VAX2: variants seen among roughly 807,000 people sequenced by gnomAD.
VAX2 encodes ventral anterior homeobox 2.
Under a neutral mutation model 12.5 loss-of-function variants are expected in VAX2, and 8 were observed. The ratio of observed to expected loss-of-function variants is 0.64; its 90% CI spans 0.37 to 1.15. The LOEUF (loss-of-function observed/expected upper bound fraction) is 1.15, where lower values mean the gene tolerates loss of function less well. Ranked by LOEUF, VAX2 falls within the 50% of genes most tolerant of loss-of-function variation. The pLI is 0.01. For missense variants in VAX2, 476 were observed against 412.9 expected (o/e 1.15, Z -1.32); for synonymous variants, 183 against 187.6 (o/e 0.98, Z 0.20).
At chr2:70,925,323 G>A (rs1428429516) in intron 2 of VAX2, among the ~76,000 whole-genome samples, 1 of 152,190 alleles carries the variant, frequency 6.6e-6, no homozygotes, top group Non-Finnish European at 1.5e-5. Flanking sequence ...AGTGGTGGAG[G>A]AGAGAAGCGT....
chr2:70,926,291 G>A (rs1485233956), intron 2 of VAX2, among the ~76,000 whole-genome samples: 1 of 152,102 alleles, frequency 6.6e-6, no homozygotes, highest in East Asian at 1.9e-4. Flanking sequence ...GTGCAACAGA[G>A]GCTAAGCATG....
Position 70,933,147 on chromosome 2 carries a change from C to G in VAX2, c.816C>G (p.Tyr272Ter), listed in dbSNP as rs781955018. 1 of 1,576,812 alleles carries G rather than the reference C, an allele frequency of 6.3e-7. No individual in the cohort carries two copies. Among genetic ancestry groups the G allele is most frequent in the East Asian group, 2.2e-5 (1 of 44,486 alleles). Residue 272 changes from tyrosine to a stop codon, truncating the protein, a stop_gained, in exon 3 of 3, where the codon TAC becomes TAG. Coordinates refer to ENST00000234392, the MANE Select transcript of VAX2 (RefSeq NM_012476.3). LOFTEE classifies it high-confidence loss of function. ...YELGSSAFEP[Y>*]SWLERKVGSA... is the part of the protein sequence containing the mutation. ...TGGGTTCCTCGGCCTTCGAGCCATA[C>G]AGCTGGCTAGAACGGAAAGTGGGCA...
intron 1 of VAX2, among the ~76,000 whole-genome samples, chr2:70,902,369 A>G (rs1339006431): frequency 6.6e-6 from 1 of 152,216 alleles, no homozygotes; most frequent in Non-Finnish European, 1.5e-5. Context: ...CAGGAATTCC[A>G]GCAGGTGTGT....
rs144120968 is a variant in VAX2 at position 70,933,045 on chromosome 2, C to A, written c.714C>A (p.Ser238=). The change falls in exon 3 of 3, where the codon TCC becomes TCA. Residue 238 remains serine (S), a synonymous_variant. Transcript: ENST00000234392. Reference sequence around the variant, plus strand: ...ACCCGCTGTCCTCGGCCTCAGCGTCCCCCCCACTGCCGCCCCCTCTGCCAG... The same window carrying A: ...ACCCGCTGTCCTCGGCCTCAGCGTCACCCCCACTGCCGCCCCCTCTGCCAG... ...RLNPLSSASA[S]PPLPPPLPAV... is the part of the protein sequence containing the mutation. The A allele has an allele frequency of 1.3e-6, 2 of 1,599,454 alleles. No individual in the cohort carries two copies. Among genetic ancestry groups the A allele is most frequent in the African/African-American group, 1.3e-5 (1 of 74,492 alleles).
chr2:70,917,237 G>A (rs1553412112), intron 1 of VAX2, among the ~76,000 whole-genome samples: 3 of 150,982 alleles, frequency 2.0e-5, no homozygotes, highest in Admixed American at 1.3e-4. Context: ...CATGAGAATC[G>A]TTTGAACCTG....
chr2:70,903,969 G>T (rs985700679), intron 1 of VAX2, among the ~76,000 whole-genome samples: 1 of 152,188 alleles, frequency 6.6e-6, no homozygotes, highest in Non-Finnish European at 1.5e-5. Context: ...CGAATACAGG[G>T]TGGAGAGCCA....
intron 2 of VAX2, among the ~76,000 whole-genome samples, chr2:70,927,186 C>T (rs1679592628): frequency 6.6e-6 from 1 of 151,970 alleles, no homozygotes; most frequent in African/African-American, 2.4e-5. Flanking sequence ...TCTGTGTTGC[C>T]TGAATGAATG....
rs182806761 is a variant in VAX2, at chr2:70,912,178, G to A, written c.248-8920G>A. ...GCAGCATTATACCATTTTAGTTGCT[G>A]TAGATTTGTAACATATTTGCTGTGT... On this transcript the variant is annotated intron_variant, in intron 1 of 2. Transcript: ENST00000234392. 1.5e-3 allele frequency among the ~76,000 whole-genome samples: 228 copies of A among 152,250 alleles called. 1 individual carries two copies. The highest frequency in any genetic ancestry group is 7.1e-4 in the Non-Finnish European group (48 of 68,030).
chr2:70,901,867 C>G (rs1206647131), intron 1 of VAX2, among the ~76,000 whole-genome samples: 1 of 152,228 alleles, frequency 6.6e-6, no homozygotes, highest in Non-Finnish European at 1.5e-5. Flanking sequence ...GGAGACCCAG[C>G]GCCAGAAGAG....
rs869309305 is a variant in VAX2, at chr2:70,906,520, CTTTTTTTTTTTTTTTT to C, written c.247+5663_247+5678del. On this transcript the variant is annotated intron_variant, in intron 1 of 2. Coordinates refer to ENST00000234392, the MANE Select transcript of VAX2 (RefSeq NM_012476.3). ...CTTTCTTTTTTTTTCTTTTCTTTTC[CTTTTTTTTTTTTTTTT>C]TTTTTTTTTTAGATAGAGTGGTTGC... 1.3e-4 allele frequency among the ~76,000 whole-genome samples: 8 copies of C among 60,606 alleles called. No individual in the cohort carries two copies. The Admixed American group carries it at 1.5e-3, about 12-fold the overall frequency. The allele number at this position is 60,606 out of a possible 152,430, so 39.8% of individuals were successfully genotyped here.
chr2:70,929,665 C>G (rs1553414025), intron 2 of VAX2, among the ~76,000 whole-genome samples: 1 of 140,848 alleles, frequency 7.1e-6, no homozygotes, highest in Non-Finnish European at 1.5e-5. Flanking sequence ...CCAGCCTGGG[C>G]TACAGAGTGA....
At chr2:70,921,351 G>A in intron 2 of VAX2, 66 bp downstream of exon 2, 3 of 1,475,132 alleles carry the variant, frequency 2.0e-6, no homozygotes, top group Non-Finnish European at 2.7e-6. Context: ...GGGGATATGA[G>A]GCCCTGTGAG....
chr2:70,931,967 T>C (rs1314752661), intron 2 of VAX2, among the ~76,000 whole-genome samples: 1 of 152,232 alleles, frequency 6.6e-6, no homozygotes, highest in Non-Finnish European at 1.5e-5. Flanking sequence ...TGGAATCACC[T>C]GGTGAGCTTT....
At chr2:70,928,878 T>A (rs184327100) in intron 2 of VAX2, among the ~76,000 whole-genome samples, 1,644 of 152,260 alleles carry the variant, frequency 0.011, 19 homozygotes, top group Non-Finnish European at 0.016. Context: ...CCTAAATGGG[T>A]TTTCTTCTTT....
chr2:70,925,628 G>A (rs6733407), intron 2 of VAX2, among the ~76,000 whole-genome samples: 42,267 of 152,022 alleles, frequency 0.28, 6,233 homozygotes, highest in Non-Finnish European at 0.33. Context: ...CTCTGTCAGA[G>A]CTCTTTTGGG....
rs578253392 is a variant in VAX2, at chr2:70,920,875, G to C, written c.248-223G>C. ...TTGGTAGACCTGGCAGTTGTACTGA[G>C]GCCTATTCACATACATTTAGCCACC... On this transcript the variant is annotated intron_variant, in intron 1 of 2. Transcript: ENST00000234392. Among the ~76,000 whole-genome samples the C allele has an allele frequency of 3.9e-5, 6 of 152,210 alleles. No homozygotes were observed. In the East Asian group the frequency reaches 9.7e-4, roughly 25 times the overall value.
At chr2:70,902,341 T>A (rs1678953306) in intron 1 of VAX2, among the ~76,000 whole-genome samples, 1 of 152,124 alleles carries the variant, frequency 6.6e-6, no homozygotes, top group South Asian at 2.1e-4. Context: ...ACTGCTTGAG[T>A]CAAGGCAGTT....
At chr2:70,905,453 T>C (rs12615240) in intron 1 of VAX2, among the ~76,000 whole-genome samples, 12,818 of 152,082 alleles carry the variant, frequency 0.084, 622 homozygotes, top group South Asian at 0.17. Context: ...TTGGGTCTTC[T>C]TTTGTTTCCC....
chr2:70,929,354 T>C (rs895390874), intron 2 of VAX2, among the ~76,000 whole-genome samples: 2 of 152,160 alleles, frequency 1.3e-5, no homozygotes, highest in African/African-American at 4.8e-5. Flanking sequence ...CCATAAACTG[T>C]TACCTGTCTA....
Sources: gnomAD v4.1 joint callset for allele counts (sites outside exome capture counted in the v4.1 genomes callset) on GRCh38, gnomAD v4.1.1 for gene constraint, MANE v1.5 for transcripts, NCBI Gene and HGNC (gene_info 2026-07-23, HGNC 2026-07-21) for gene names.